ADAMTS19: variants seen among roughly 807,000 people sequenced by gnomAD.
The protein encoded by ADAMTS19 is ADAM metallopeptidase with thrombospondin type 1 motif 19.
A neutral mutation model predicts 153.3 loss-of-function variants in ADAMTS19; 93 were observed. The ratio of observed to expected loss-of-function variants is 0.61; its 90% CI spans 0.51 to 0.72. The LOEUF is 0.72. Ranked by LOEUF, ADAMTS19 falls within the 30% of genes least tolerant of loss-of-function variation. The probability of loss-of-function intolerance (pLI) is 0.00; values close to 1 mark genes in which losing one functional copy is unlikely to be tolerated. For missense variants in ADAMTS19, 1,482 were observed against 1,552.1 expected (o/e 0.95, Z 0.76); for synonymous variants, 600 against 556.6 (o/e 1.08, Z -1.10).
chr5:129,554,044 T>A (rs1396623240), intron 7 of ADAMTS19, among the ~76,000 whole-genome samples: 1 of 152,082 alleles, frequency 6.6e-6, no homozygotes, highest in Non-Finnish European at 1.5e-5. Flanking sequence ...AGCACTTATC[T>A]TGTAAGTGCT....
rs145208435 is a variant in ADAMTS19 at position 129,510,266 on chromosome 5, T to C, written c.913+1024T>C. Among the ~76,000 whole-genome samples the C allele has an allele frequency of 9.9e-5, 15 of 151,966 alleles. No individual in the cohort carries two copies. In the East Asian group the frequency reaches 2.9e-3, roughly 29 times the overall value. On this transcript the variant is annotated intron_variant, in intron 3 of 22. Coordinates refer to ENST00000274487, the MANE Select transcript of ADAMTS19 (RefSeq NM_133638.6). ...ATTTGTAGAGACCAGAGGATGTCTATATCATCGATTGCCTAGGATGTTCGG... is the reference window on the plus strand; with the variant it reads ...ATTTGTAGAGACCAGAGGATGTCTACATCATCGATTGCCTAGGATGTTCGG...
At chr5:129,526,944 T>C (rs531236047) in intron 4 of ADAMTS19, among the ~76,000 whole-genome samples, 4 of 152,002 alleles carry the variant, frequency 2.6e-5, no homozygotes, top group South Asian at 2.1e-4. Flanking sequence ...AAAAGGACCA[T>C]AGGTTAATTA....
intron 7 of ADAMTS19, among the ~76,000 whole-genome samples, chr5:129,593,749 G>T (rs1001877187): frequency 6.6e-6 from 1 of 152,078 alleles, no homozygotes; most frequent in Non-Finnish European, 1.5e-5. Context: ...CAGCCACTAG[G>T]ATGAATATCA....
chr5:129,716,277 A>G (rs1462855219), intron 21 of ADAMTS19, among the ~76,000 whole-genome samples: 2 of 151,994 alleles, frequency 1.3e-5, no homozygotes, highest in African/African-American at 4.8e-5. Context: ...AGCTCACTGC[A>G]TGCCTCTGCC....
At position 129,622,354 on chromosome 5, in the gene ADAMTS19, G is replaced by C; in HGVS notation, c.1770+6G>C. On this transcript the variant is annotated splice_donor_region_variant and intron_variant, in intron 10 of 22. Transcript: ENST00000274487. ...CTTTTTGTCAGGAGATGCAGGTAAA[G>C]ATCCAGGTGGGGATTTTGTGCGTTC... The C allele has an allele frequency of 6.2e-7, 1 of 1,613,846 alleles. No homozygotes were observed. The highest frequency in any genetic ancestry group is 8.5e-7 in the Non-Finnish European group (1 of 1,179,860).
chr5:129,521,865 GT>G (rs1182148058), intron 3 of ADAMTS19, among the ~76,000 whole-genome samples: 1 of 152,080 alleles, frequency 6.6e-6, no homozygotes, highest in African/African-American at 2.4e-5. Flanking sequence ...TGGTTAAGGA[GT>G]TTTTTATTAC....
At chr5:129,707,288 T>C (rs911706280) in intron 21 of ADAMTS19, among the ~76,000 whole-genome samples, 16 of 152,246 alleles carry the variant, frequency 1.1e-4, no homozygotes, top group Non-Finnish European at 2.2e-4. Context: ...TCCTGGCCTT[T>C]TAACCTTTGC....
rs1210515832 is a variant in ADAMTS19 at position 129,551,213 on chromosome 5, A to C, written c.1329-651A>C. 2.0e-5 allele frequency among the ~76,000 whole-genome samples: 3 copies of C among 151,804 alleles called. No homozygotes were observed. In the East Asian group the frequency reaches 5.8e-4, roughly 29 times the overall value. ...TTCATATATTCTGCCCCCAAATCTCATAGCTCTTATTAAGGTCTATTAAAT... is the reference window on the plus strand; with the variant it reads ...TTCATATATTCTGCCCCCAAATCTCCTAGCTCTTATTAAGGTCTATTAAAT... On this transcript the variant is annotated intron_variant, in intron 6 of 22. Coordinates refer to ENST00000274487, the MANE Select transcript of ADAMTS19 (RefSeq NM_133638.6).
chr5:129,618,645 G>A (rs887365798), intron 8 of ADAMTS19, among the ~76,000 whole-genome samples: 1 of 151,656 alleles, frequency 6.6e-6, no homozygotes, highest in Non-Finnish European at 1.5e-5. Flanking sequence ...ATTTCCCTTA[G>A]CAATTTCTAT....
At chr5:129,644,671 G>A (rs774542959) in intron 11 of ADAMTS19, among the ~76,000 whole-genome samples, 4 of 151,684 alleles carry the variant, frequency 2.6e-5, no homozygotes, top group Non-Finnish European at 5.9e-5. Context: ...CAATGTGTTG[G>A]CATTTACATT....
At chr5:129,472,794 T>C (rs1426848407) in intron 2 of ADAMTS19, among the ~76,000 whole-genome samples, 2 of 150,220 alleles carry the variant, frequency 1.3e-5, no homozygotes, top group African/African-American at 4.9e-5. Flanking sequence ...TTAAATACAA[T>C]TTTATATTTA....
intron 16 of ADAMTS19, among the ~76,000 whole-genome samples, chr5:129,676,536 A>C (rs186329062): frequency 6.6e-6 from 1 of 152,038 alleles, no homozygotes; most frequent in Non-Finnish European, 1.5e-5. Context: ...ATTTTCAAGC[A>C]GAAAGCCAAG....
chr5:129,534,410 T>G (rs1439495617), intron 6 of ADAMTS19, among the ~76,000 whole-genome samples: 1 of 152,020 alleles, frequency 6.6e-6, no homozygotes, highest in East Asian at 1.9e-4. Flanking sequence ...AATAACAGGC[T>G]CTGAAATTGA....
intron 6 of ADAMTS19, among the ~76,000 whole-genome samples, chr5:129,548,626 C>T (rs549696206): frequency 2.0e-5 from 3 of 151,772 alleles, no homozygotes; most frequent in South Asian, 2.1e-4. Context: ...GGCGATTCCT[C>T]AGGGATCTAG....
intron 21 of ADAMTS19, among the ~76,000 whole-genome samples, chr5:129,732,067 G>T (rs1343667073): frequency 6.6e-6 from 1 of 152,086 alleles, no homozygotes; most frequent in Non-Finnish European, 1.5e-5. Context: ...ATATATGTAT[G>T]AAACCAAGAG....
chr5:129,696,187 A>G (rs1755542515), intron 19 of ADAMTS19, among the ~76,000 whole-genome samples: 1 of 152,138 alleles, frequency 6.6e-6, no homozygotes, highest in African/African-American at 2.4e-5. Flanking sequence ...CGCTTAAAAG[A>G]ATTTGGGATC....
intron 8 of ADAMTS19, among the ~76,000 whole-genome samples, chr5:129,601,194 A>T (rs1750634026): frequency 6.6e-6 from 1 of 152,160 alleles, no homozygotes; most frequent in Admixed American, 6.5e-5. Context: ...TTTTCTGGTA[A>T]CTAAAATTTT....
At chr5:129,615,218 C>A (rs926588826) in intron 8 of ADAMTS19, among the ~76,000 whole-genome samples, 2 of 151,964 alleles carry the variant, frequency 1.3e-5, no homozygotes, top group South Asian at 2.1e-4. Flanking sequence ...AAAAAGAGCC[C>A]ACATTGCCAA....
chr5:129,729,970 C>G (rs1054732032), intron 21 of ADAMTS19, among the ~76,000 whole-genome samples: 1 of 151,976 alleles, frequency 6.6e-6, no homozygotes, highest in Non-Finnish European at 1.5e-5. Context: ...TTCTGTTATT[C>G]TTTTGGTTTC....
Sources: gnomAD v4.1 joint callset for allele counts (sites outside exome capture counted in the v4.1 genomes callset) on GRCh38, gnomAD v4.1.1 for gene constraint, MANE v1.5 for transcripts, NCBI Gene and HGNC (gene_info 2026-07-23, HGNC 2026-07-21) for gene names.